The following SSH2 variants were observed in gnomAD, a reference collection of about 807,000 sequenced individuals.
SSH2 encodes the protein protein phosphatase Slingshot homolog 2.
SSH2 carries 37 observed loss-of-function variants against 135.2 expected under a neutral mutation model. That is an observed-to-expected ratio of 0.27 (90% CI 0.21 to 0.36). The LOEUF (loss-of-function observed/expected upper bound fraction) is 0.36, where lower values mean the gene tolerates loss of function less well. Ranked by LOEUF, SSH2 falls within the 10% of genes least tolerant of loss-of-function variation. The pLI, the probability that SSH2 is intolerant of heterozygous loss-of-function variation, is 1.00. For missense variants in SSH2, 1,408 were observed against 1,765.3 expected (o/e 0.80, Z 3.63); for synonymous variants, 628 against 646.2 (o/e 0.97, Z 0.43).
At chr17:29,784,391 A>G (rs2041914872) in intron 3 of SSH2, among the ~76,000 whole-genome samples, 1 of 151,952 alleles carries the variant, frequency 6.6e-6, no homozygotes, top group Non-Finnish European at 1.5e-5. Flanking sequence ...TCTCAAAAAA[A>G]AAAAAGAGTA....
At chr17:29,904,571 A>G (rs192503957) in intron 1 of SSH2, among the ~76,000 whole-genome samples, 1 of 152,232 alleles carries the variant, frequency 6.6e-6, no homozygotes, top group Non-Finnish European at 1.5e-5. Flanking sequence ...AGCTGGAAGC[A>G]TTCCCCTTGA....
chr17:29,846,579 G>A lies in SSH2; in HGVS notation c.144+2270C>T, dbSNP rs915405792. On this transcript the variant is annotated intron_variant, in intron 2 of 15. Transcript: ENST00000540801. ...TAACGTTTGCAAGCACTAGGAAAAT[G>A]AGCACCACTCCAGCTATTAATGAAT... Among the ~76,000 whole-genome samples, 11 of 152,322 alleles carry A rather than the reference G, an allele frequency of 7.2e-5. No individual in the cohort carries two copies. In the East Asian group the frequency reaches 1.7e-3, roughly 24 times the overall value.
intron 1 of SSH2, among the ~76,000 whole-genome samples, chr17:29,917,419 C>G (rs142027454): frequency 2.6e-5 from 4 of 152,138 alleles, no homozygotes; most frequent in African/African-American, 9.7e-5. Flanking sequence ...GCTCACCATA[C>G]GAGGCAATTA....
chr17:29,768,914 C>T (rs954843950), intron 3 of SSH2, among the ~76,000 whole-genome samples: 4 of 151,940 alleles, frequency 2.6e-5, no homozygotes, highest in African/African-American at 9.7e-5. Context: ...GTGTCAGGTG[C>T]TCTATTAAGA....
At chr17:29,907,362 G>A (rs981878399) in intron 1 of SSH2, among the ~76,000 whole-genome samples, 6 of 152,066 alleles carry the variant, frequency 3.9e-5, no homozygotes, top group Admixed American at 1.3e-4. Flanking sequence ...GGGGTGGAGT[G>A]GGGGGAGGGA....
intron 1 of SSH2, among the ~76,000 whole-genome samples, chr17:29,853,085 G>T (rs922388670): frequency 3.2e-5 from 4 of 123,942 alleles, no homozygotes; most frequent in African/African-American, 1.0e-4. Flanking sequence ...TCACTGCAGA[G>T]ATTTTTTTTT....
rs201131314 is a variant in SSH2, at chr17:29,631,324, T to C, written c.3870A>G (p.Leu1290=). ...QMRRSASLAK[L]GYLDLCKDCL... is the part of the protein sequence containing the mutation. ...AGTCTTTACAGAGGTCCAAGTAACCTAATTTGGCGAGAGAAGCTGAGCGCC... is the reference window on the plus strand; with the variant it reads ...AGTCTTTACAGAGGTCCAAGTAACCCAATTTGGCGAGAGAAGCTGAGCGCC... Residue 1290 remains leucine, a synonymous_variant, in exon 16 of 16, where the codon TTA becomes TTG. Coordinates refer to ENST00000540801, the MANE Select transcript of SSH2 (RefSeq NM_001282129.2). The C allele has an allele frequency of 3.7e-6, 6 of 1,614,164 alleles. No individual in the cohort carries two copies. The highest frequency in any genetic ancestry group is 1.6e-4 in the Middle Eastern group (1 of 6,062).
chr17:29,661,061 C>CAAAAAAAAAAAAAAAAA (rs374216221), intron 11 of SSH2, among the ~76,000 whole-genome samples: 3 of 48,356 alleles, frequency 6.2e-5, no homozygotes, highest in African/African-American at 2.0e-4. Context: ...AATTCCATCT[C>CAAAAAAAAAAAAAAAAA]AAAAAAAAAA....
At chr17:29,815,848 AT>A (rs1313215231) in intron 2 of SSH2, among the ~76,000 whole-genome samples, 2 of 150,486 alleles carry the variant, frequency 1.3e-5, no homozygotes, top group Admixed American at 6.6e-5. Flanking sequence ...TTTATTTTTT[AT>A]TTTTTTTCTG....
At chr17:29,687,937 C>T (rs1451717706) in intron 5 of SSH2, among the ~76,000 whole-genome samples, 1 of 151,632 alleles carries the variant, frequency 6.6e-6, no homozygotes, top group Admixed American at 6.6e-5. Context: ...ATCTATAATG[C>T]AAGTTACCAG....
intron 4 of SSH2, among the ~76,000 whole-genome samples, chr17:29,697,059 G>C (rs2038788514): frequency 6.6e-6 from 1 of 152,002 alleles, no homozygotes; most frequent in South Asian, 2.1e-4. Context: ...CTTTAAAATG[G>C]CCAACCATTA....
intron 5 of SSH2, among the ~76,000 whole-genome samples, chr17:29,687,505 C>G (rs1364818297): frequency 6.6e-6 from 1 of 152,082 alleles, no homozygotes; most frequent in Non-Finnish European, 1.5e-5. Flanking sequence ...GGACTAAGAT[C>G]TAGAAGGCTG....
At chr17:29,650,146 C>T (rs1205881392) in intron 13 of SSH2, among the ~76,000 whole-genome samples, 1 of 152,170 alleles carries the variant, frequency 6.6e-6, no homozygotes, top group African/African-American at 2.4e-5. Flanking sequence ...AATACTCTCA[C>T]TAGAAGAGCC....
chr17:29,716,310 T>C, intron 3 of SSH2: 1 of 447,882 alleles, frequency 2.2e-6, no homozygotes, highest in Non-Finnish European at 4.1e-6. Context: ...CTCTTTGGCT[T>C]CTTTTTCTGA....
At chr17:29,678,875 C>T (rs1271159939) in intron 6 of SSH2, among the ~76,000 whole-genome samples, 1 of 151,692 alleles carries the variant, frequency 6.6e-6, no homozygotes, top group African/African-American at 2.4e-5. Flanking sequence ...CCACCATGCC[C>T]GGCTAATTTT....
intron 3 of SSH2, among the ~76,000 whole-genome samples, chr17:29,779,960 C>T (rs570647237): frequency 9.2e-5 from 14 of 151,986 alleles, no homozygotes; most frequent in African/African-American, 2.4e-4. Flanking sequence ...CAGTAGCTCA[C>T]GCCTGTAATC....
intron 3 of SSH2, chr17:29,761,310 TG>T: frequency 7.9e-7 from 1 of 1,262,230 alleles, no homozygotes; most frequent in Non-Finnish European, 1.0e-6. Context: ...CTCCGCATCC[TG>T]GCCTCTGCTC....
intron 1 of SSH2, among the ~76,000 whole-genome samples, chr17:29,862,405 A>T (rs2065780241): frequency 6.6e-6 from 1 of 152,230 alleles, no homozygotes; most frequent in African/African-American, 2.4e-5. Context: ...AGTTGTTGCA[A>T]TTCTTCCTTG....
At chr17:29,743,412 G>T (rs1598918711) in intron 3 of SSH2, among the ~76,000 whole-genome samples, 1 of 149,722 alleles carries the variant, frequency 6.7e-6, no homozygotes. Flanking sequence ...GGCTAGATTT[G>T]TTTTTTTTTT....
Sources: gnomAD v4.1 joint callset for allele counts (sites outside exome capture counted in the v4.1 genomes callset) on GRCh38, gnomAD v4.1.1 for gene constraint, MANE v1.5 for transcripts, NCBI Gene and HGNC (gene_info 2026-07-23, HGNC 2026-07-21) for gene names.